Variants in CR1 observed in about 807,000 individuals in gnomAD.
CR1 encodes the protein complement C3b/C4b receptor 1 (Knops blood group), also known as complement receptor type 1.
In CR1, 116 loss-of-function variants were observed where a neutral mutation model predicts 187.3. That is an observed-to-expected ratio of 0.62 (90% CI 0.53 to 0.72). The LOEUF is 0.72. Ranked by LOEUF, CR1 falls within the 30% of genes least tolerant of loss-of-function variation. CR1 has a pLI of 0.00. For missense variants in CR1, 1,731 were observed against 2,110.7 expected, an observed-to-expected ratio of 0.82 and a Z score of 3.52; for synonymous variants, 576 against 747.1, an observed-to-expected ratio of 0.77 and a Z score of 3.73.
chr1:207,581,405 TAC>T (rs1660950715), intron 31 of CR1, among the ~76,000 whole-genome samples: 1 of 150,400 alleles, frequency 6.6e-6, no homozygotes, highest in South Asian at 2.1e-4. Flanking sequence ...CATATGTATA[TAC>T]ATATATATGG....
intron 41 of CR1, 32 bp from the exon 42 acceptor site, chr1:207,618,039 T>A: frequency 6.2e-7 from 1 of 1,601,740 alleles, no homozygotes; most frequent in Non-Finnish European, 8.5e-7. Context: ...CTGAGTGTCT[T>A]TTCTTGTGTT....
At position 207,630,549 on chromosome 1, in the gene CR1, C is replaced by T; in HGVS notation, c.7385C>T (p.Ala2462Val). The T allele has an allele frequency of 1.2e-6, 2 of 1,610,036 alleles. No individual in the cohort carries two copies. The highest frequency in any genetic ancestry group is 1.7e-6 in the Non-Finnish European group (2 of 1,178,428). ...GCACATGAAAACCCTAAAGAAGTGG[C>T]TATCCATTTACATTCTCAAGGAGGC... ...NNAHENPKEV[A>V]IHLHSQGGSS... Residue 2462 changes from alanine to valine, a missense_variant, in exon 46 of 47, where the codon GCT (alanine) becomes GTT (valine). Ala to Val is a moderately conservative substitution (Grantham distance 64). Transcript: ENST00000367049.
At chr1:207,576,685 G>A (rs1558241410) in intron 28 of CR1, among the ~76,000 whole-genome samples, 2 of 152,036 alleles carry the variant, frequency 1.3e-5, no homozygotes, top group South Asian at 4.1e-4. Flanking sequence ...AGGCACGGTG[G>A]CACATGCCTG....
At chr1:207,621,321 C>T (rs1662308986) in intron 43 of CR1, among the ~76,000 whole-genome samples, 4 of 151,866 alleles carry the variant, frequency 2.6e-5, no homozygotes, top group Admixed American at 2.6e-4. Context: ...TAGGTGAACA[C>T]CCAATACAAA....
At chr1:207,596,478 G>T (rs1661444555) in intron 35 of CR1, among the ~76,000 whole-genome samples, 1 of 151,982 alleles carries the variant, frequency 6.6e-6, no homozygotes, top group African/African-American at 2.4e-5. Flanking sequence ...GCCAGGTGTG[G>T]TGGCGCATGC....
At chr1:207,588,464 T>C (rs1558250851) in intron 34 of CR1, among the ~76,000 whole-genome samples, 1 of 152,144 alleles carries the variant, frequency 6.6e-6, no homozygotes, top group Non-Finnish European at 1.5e-5. Context: ...AGCCCATACA[T>C]AACCTTTATT....
At chr1:207,498,877 C>CAAAAAAAAAA (rs56044498) in intron 1 of CR1, among the ~76,000 whole-genome samples, 2,265 of 49,680 alleles carry the variant, frequency 0.046, 201 homozygotes, top group African/African-American at 0.065. Context: ...AACTCCAAAT[C>CAAAAAAAAAA]AAAAAAAAAA....
At chr1:207,574,950 A>G (rs1304160786) in intron 27 of CR1, among the ~76,000 whole-genome samples, 1 of 152,226 alleles carries the variant, frequency 6.6e-6, no homozygotes, top group Non-Finnish European at 1.5e-5. Flanking sequence ...CTCTTCCACC[A>G]GAAATAAGCC....
chr1:207,604,877 T>C (rs1661701810), intron 35 of CR1, among the ~76,000 whole-genome samples: 1 of 152,094 alleles, frequency 6.6e-6, no homozygotes, highest in African/African-American at 2.4e-5. Context: ...AGCTGAGATT[T>C]GGTCAAAGGG....
rs186041346 is a variant in CR1, at chr1:207,506,053, G to A, written c.271G>A (p.Val91Ile). The A allele has an allele frequency of 9.2e-5, 148 of 1,613,952 alleles. 4 individuals are homozygous for A. In the African/African-American group the frequency reaches 1.7e-3, roughly 19 times the overall value. Residue 91 changes from valine to isoleucine, a missense_variant, in exon 2 of 47, where the codon GTC (valine) becomes ATC (isoleucine). By Grantham distance (29) the Val-to-Ile change is conservative. This residue lies in a region of CR1 where 237 missense variants were observed against 240.4 expected (regional missense o/e 0.99). Coordinates refer to ENST00000367049, the MANE Select transcript of CR1 (RefSeq NM_000651.6). The part of the protein sequence containing the change: ...PFSIICLKNS[V>I]WTGAKDRCRR... Reference sequence around the variant, plus strand: ...TTCTATCATCTGCCTAAAAAACTCAGTCTGGACTGGTGCTAAGGACAGGTG... The same window carrying A: ...TTCTATCATCTGCCTAAAAAACTCAATCTGGACTGGTGCTAAGGACAGGTG...
chr1:207,607,335 G>C lies in CR1; in HGVS notation c.5895G>C (p.Glu1965Asp). Residue 1965 changes from glutamate to aspartate, a missense_variant and splice_region_variant, in exon 36 of 47, where the codon GAG becomes GAC. Coordinates refer to ENST00000367049, the MANE Select transcript of CR1 (RefSeq NM_000651.6). ...GGGATAAGAAGGCACCTATTTGTGA[G>C]AGTAAGTTGAAATACTTTTCTCCAC... ...VTWDKKAPIC[E>D]IISCEPPPTI... 6.2e-7 allele frequency: 1 copy of C among 1,608,098 alleles called. No homozygotes were observed. The highest frequency in any genetic ancestry group is 1.1e-5 in the South Asian group (1 of 90,922).
chr1:207,516,194 C>T (rs1659804657), intron 4 of CR1, among the ~76,000 whole-genome samples: 1 of 152,148 alleles, frequency 6.6e-6, no homozygotes, highest in Non-Finnish European at 1.5e-5. Context: ...TGCACTCCAG[C>T]CTAGGTGACA....
At position 207,511,627 on chromosome 1, in the gene CR1, T is replaced by A; in HGVS notation, c.460T>A (p.Trp154Arg). The change falls in exon 4 of 47, where the codon TGG (tryptophan) becomes AGG (arginine). Residue 154 changes from tryptophan (W) to arginine (R), a missense_variant. Physicochemically the swap from Trp to Arg is moderately radical, Grantham distance 101. Around this residue, in one of 5 missense-constraint regions of CR1, gnomAD observed 237 missense variants for 240.4 expected, o/e 0.99. Coordinates refer to ENST00000367049, the MANE Select transcript of CR1 (RefSeq NM_000651.6). The stretch of plus-strand genomic sequence containing the variant: ...CATCATCTCAGGTGATACTGTCATT[T>A]GGGATAATGAAACACCTATTTGTGA... ...TCIISGDTVI[W>R]DNETPICDRI... 6.2e-7 allele frequency: 1 copy of A among 1,613,398 alleles called. No homozygotes were observed. The highest frequency in any genetic ancestry group is 2.2e-5 in the East Asian group (1 of 44,858).
chr1:207,518,848 G>A (rs1310265561), intron 4 of CR1, among the ~76,000 whole-genome samples: 1 of 152,146 alleles, frequency 6.6e-6, no homozygotes, highest in Non-Finnish European at 1.5e-5. Context: ...TCTCCAAACT[G>A]GGTCATATTC....
At chr1:207,632,072 C>CA (rs1252683975) in intron 46 of CR1, among the ~76,000 whole-genome samples, 1 of 152,240 alleles carries the variant, frequency 6.6e-6, no homozygotes, top group Non-Finnish European at 1.5e-5. Context: ...CTTTTCTAAA[C>CA]AAAAAATTAC....
At chr1:207,520,409 A>C (rs974809402) in intron 4 of CR1, among the ~76,000 whole-genome samples, 1 of 152,214 alleles carries the variant, frequency 6.6e-6, no homozygotes, top group Non-Finnish European at 1.5e-5. Flanking sequence ...TGCTTTCTTT[A>C]AACTCACCAA....
At chr1:207,580,487 T>C (rs1354773387) in intron 30 of CR1, 24 bp from the exon 31 acceptor site, 19 of 348,100 alleles carry the variant, frequency 5.5e-5, no homozygotes, top group Non-Finnish European at 8.6e-5. Context: ...CTATTTTTTC[T>C]TTTTTTTTTT....
intron 35 of CR1, 93 bp downstream of exon 35, chr1:207,588,867 C>T: frequency 1.2e-6 from 1 of 817,200 alleles, no homozygotes; most frequent in South Asian, 1.8e-5. Context: ...AACTATTGCT[C>T]CCTTTACTTT....
chr1:207,568,253 G>A (rs1181800167), intron 25 of CR1, among the ~76,000 whole-genome samples: 10 of 142,652 alleles, frequency 7.0e-5, no homozygotes, highest in Non-Finnish European at 1.2e-4. Context: ...AGAGGGAGGC[G>A]GTGAGTGGTG....
Sources: gnomAD v4.1 joint callset for allele counts (sites outside exome capture counted in the v4.1 genomes callset) on GRCh38, gnomAD v4.1.1 for gene constraint, gnomAD v4.1.1 regional missense constraint, MANE v1.5 for transcripts, NCBI Gene and HGNC (gene_info 2026-07-23, HGNC 2026-07-21) for gene names.